Variants in ANKRD44 observed in about 807,000 individuals in gnomAD.
The protein encoded by ANKRD44 is ankyrin repeat domain 44.
In ANKRD44, 35 loss-of-function variants were observed where a neutral mutation model predicts 116.0. The observed-to-expected ratio is 0.30, with a 90% CI of 0.23 to 0.40. The LOEUF (loss-of-function observed/expected upper bound fraction) is 0.40. Ranked by LOEUF, ANKRD44 falls within the 10% of genes least tolerant of loss-of-function variation. The pLI is 1.00. For missense variants in ANKRD44, 1,014 were observed against 1,242.6 expected, an observed-to-expected ratio of 0.82 and a Z score of 2.77; for synonymous variants, 435 against 461.8, an observed-to-expected ratio of 0.94 and a Z score of 0.74.
Position 197,203,235 on chromosome 2 carries a change from A to G in ANKRD44, c.28-16129T>C, listed in dbSNP as rs1352685739. Among the ~76,000 whole-genome samples the G allele has an allele frequency of 6.6e-6, 1 of 152,246 alleles. No homozygotes were observed. Among genetic ancestry groups the G allele is most frequent in the East Asian group, 1.9e-4 (1 of 5,206 alleles). Reference sequence around the variant, plus strand: ...TTATGACAGGAAAAATTAAAAGGGAACCAATGTCAAAGCTAGGGAAATTAT... The same window carrying G: ...TTATGACAGGAAAAATTAAAAGGGAGCCAATGTCAAAGCTAGGGAAATTAT... On this transcript the variant is annotated intron_variant, in intron 1 of 27. Transcript: ENST00000282272. The surrounding 1 kb of genome is among the most constrained non-coding windows in gnomAD (Gnocchi z 4.1).
chr2:197,170,286 G>A (rs1406916932), intron 2 of ANKRD44, among the ~76,000 whole-genome samples: 1 of 151,304 alleles, frequency 6.6e-6, no homozygotes, highest in African/African-American at 2.4e-5. Context: ...TTCCCTTATG[G>A]CAGGAATTCT....
chr2:197,101,955 G>C (rs1042091320), intron 9 of ANKRD44, among the ~76,000 whole-genome samples: 1 of 151,530 alleles, frequency 6.6e-6, no homozygotes, highest in African/African-American at 2.4e-5. Flanking sequence ...TTTTGAAAAG[G>C]CTTACTCATT....
At chr2:197,268,859 T>A (rs1109475) in intron 1 of ANKRD44, among the ~76,000 whole-genome samples, 26,553 of 152,104 alleles carry the variant, frequency 0.17, 2,449 homozygotes, top group Middle Eastern at 0.28. Context: ...ACTGGGGAAA[T>A]CATGTTTTAA....
intron 16 of ANKRD44, among the ~76,000 whole-genome samples, chr2:197,046,582 C>T (rs1467769000): frequency 6.6e-6 from 1 of 150,638 alleles, no homozygotes; most frequent in Non-Finnish European, 1.5e-5. Flanking sequence ...GCTCCATAAG[C>T]TTGCAGTGAG....
At chr2:197,103,135 G>A (rs1156492978) in intron 9 of ANKRD44, among the ~76,000 whole-genome samples, 1 of 151,034 alleles carries the variant, frequency 6.6e-6, no homozygotes, top group East Asian at 1.9e-4. Context: ...GGCTGAGGCA[G>A]GAGAATGGTG....
chr2:197,152,637 G>A (rs1227272804), intron 2 of ANKRD44, among the ~76,000 whole-genome samples: 6 of 152,186 alleles, frequency 3.9e-5, no homozygotes, highest in Non-Finnish European at 5.9e-5. Context: ...AGAAAATAGG[G>A]AACTTGAAGT....
intron 2 of ANKRD44, among the ~76,000 whole-genome samples, chr2:197,150,913 A>C (rs11892715): frequency 0.051 from 7,763 of 152,068 alleles, 660 homozygotes; most frequent in African/African-American, 0.18. Context: ...GTGGACTTGG[A>C]AAAAAACAAT....
At chr2:197,040,986 CTT>C (rs1173997877) in intron 16 of ANKRD44, among the ~76,000 whole-genome samples, 1 of 152,120 alleles carries the variant, frequency 6.6e-6, no homozygotes, top group Non-Finnish European at 1.5e-5. Context: ...GAAAAGTAAA[CTT>C]TGACACCACT....
At chr2:196,972,549 G>A (rs546665509) in intron 21 of ANKRD44, among the ~76,000 whole-genome samples, 2 of 152,226 alleles carry the variant, frequency 1.3e-5, no homozygotes, top group East Asian at 3.9e-4. Context: ...TGTCATGAAG[G>A]GATGTTTGTC....
intron 1 of ANKRD44, among the ~76,000 whole-genome samples, chr2:197,250,345 T>C (rs552682394): frequency 2.0e-5 from 3 of 152,280 alleles, no homozygotes; most frequent in African/African-American, 7.2e-5. Context: ...AAGGGAGGAA[T>C]ATCTTTCCCA....
chr2:196,984,122 C>T (rs1208724444), downstream of ANKRD44, among the ~76,000 whole-genome samples: 3 of 152,128 alleles, frequency 2.0e-5, no homozygotes, highest in African/African-American at 7.2e-5. Flanking sequence ...TGGCTAGTGT[C>T]ATAAGCAATA....
chr2:197,304,918 A>G (rs546769914), intron 1 of ANKRD44, among the ~76,000 whole-genome samples: 66 of 152,330 alleles, frequency 4.3e-4, no homozygotes, highest in African/African-American at 1.6e-3. Context: ...ACCTGACTCA[A>G]AAGAGACAGA....
intron 8 of ANKRD44, among the ~76,000 whole-genome samples, chr2:197,117,236 T>C (rs1399514072): frequency 6.6e-6 from 1 of 151,974 alleles, no homozygotes; most frequent in African/African-American, 2.4e-5. Context: ...TTCCTTCCTT[T>C]ATTATTTATT....
intron 16 of ANKRD44, among the ~76,000 whole-genome samples, chr2:197,072,160 A>ATT (rs142771134): frequency 2.0e-5 from 3 of 151,914 alleles, no homozygotes; most frequent in Non-Finnish European, 2.9e-5. Context: ...AGATTAACTT[A>ATT]TTTTTTTGGT....
At chr2:197,164,397 G>C (rs186477510) in intron 2 of ANKRD44, among the ~76,000 whole-genome samples, 1 of 152,184 alleles carries the variant, frequency 6.6e-6, no homozygotes, top group African/African-American at 2.4e-5. Context: ...CCTGGTAGCG[G>C]AAGACCTTTC....
chr2:197,300,758 CTTTTTTTTTTTTTT>C (rs112803787), intron 1 of ANKRD44, among the ~76,000 whole-genome samples: 2 of 122,742 alleles, frequency 1.6e-5, no homozygotes, highest in Non-Finnish European at 3.4e-5. Context: ...TTTCATTTTC[CTTTTTTTTTTTTTT>C]TTTTTTTTGA....
intron 1 of ANKRD44, among the ~76,000 whole-genome samples, chr2:197,251,509 A>C (rs2082316723): frequency 6.6e-6 from 1 of 152,188 alleles, no homozygotes. Context: ...ATATCACATC[A>C]GCTTTGTTTT....
At chr2:197,052,027 CT>C (rs1279747353) in intron 16 of ANKRD44, among the ~76,000 whole-genome samples, 2 of 152,126 alleles carry the variant, frequency 1.3e-5, no homozygotes, top group Non-Finnish European at 2.9e-5. Flanking sequence ...GTGCAGAGCT[CT>C]GACTTTGAGC....
intron 16 of ANKRD44, among the ~76,000 whole-genome samples, chr2:197,055,864 G>A (rs2077193097): frequency 6.6e-6 from 1 of 151,886 alleles, no homozygotes; most frequent in Non-Finnish European, 1.5e-5. Flanking sequence ...ATCTATCTTT[G>A]CTCTAATACC....
Sources: gnomAD v4.1 joint callset for allele counts (sites outside exome capture counted in the v4.1 genomes callset) on GRCh38, gnomAD v4.1.1 for gene constraint, Gnocchi (gnomAD v3.1) non-coding constraint, MANE v1.5 for transcripts, NCBI Gene and HGNC (gene_info 2026-07-23, HGNC 2026-07-21) for gene names.